The following DPP6 variants were observed in gnomAD, a reference collection of about 807,000 sequenced individuals.
DPP6 encodes A-type potassium channel modulatory protein DPP6.
A neutral mutation model predicts 122.6 loss-of-function variants in DPP6; 69 were observed. That is an observed-to-expected ratio of 0.56 (90% confidence interval 0.46 to 0.69). The LOEUF is 0.69. Among genes scored for constraint, DPP6 ranks in the 30% least tolerant of loss-of-function variants. DPP6 has a pLI of 0.00. For synonymous variants in DPP6, 418 were observed against 433.1 expected (o/e 0.97, Z 0.43); for missense variants, 928 against 1,116.9 (o/e 0.83, Z 2.41).
At chr7:154,096,593 ATAAT>A (rs1805337792) in intron 1 of DPP6, among the ~76,000 whole-genome samples, 1 of 152,196 alleles carries the variant, frequency 6.6e-6, no homozygotes, top group Non-Finnish European at 1.5e-5. Flanking sequence ...AAAATATTTC[ATAAT>A]TAAAGTCATA....
intron 1 of DPP6, among the ~76,000 whole-genome samples, chr7:154,063,729 C>T (rs1315815376): frequency 2.7e-5 from 4 of 149,486 alleles, no homozygotes; most frequent in African/African-American, 5.0e-5. Flanking sequence ...AGCCCCTCTT[C>T]CCCCCCGGCT....
chr7:154,441,444 C>T lies in DPP6; in HGVS notation c.244-4770C>T, dbSNP rs1221981172. Among the ~76,000 whole-genome samples the T allele has an allele frequency of 2.0e-5, 3 of 152,146 alleles. No homozygotes were observed. In the East Asian group the frequency reaches 5.8e-4, roughly 29 times the overall value. The stretch of plus-strand genomic sequence containing the variant: ...ACATTTACATTTAATCCTGATAACA[C>T]CTATGCAATCAGTTCCTTTTGTGTC... On this transcript the variant is annotated intron_variant, in intron 1 of 25. Transcript: ENST00000377770.
chr7:153,811,848 C>A, the DPP6 span, among the ~76,000 whole-genome samples: 93 of 152,228 alleles, frequency 6.1e-4, no homozygotes, highest in Middle Eastern at 3.4e-3. Context: ...TTCTCAAATT[C>A]CACAGATGAT....
chr7:154,748,854 G>A (rs182111091), intron 8 of DPP6, among the ~76,000 whole-genome samples: 3 of 152,344 alleles, frequency 2.0e-5, no homozygotes, highest in African/African-American at 7.2e-5. Context: ...TTCTAGGGAG[G>A]GTGGAGGCCC....
chr7:153,869,950 C>A, the DPP6 span, among the ~76,000 whole-genome samples: 7 of 152,280 alleles, frequency 4.6e-5, no homozygotes, highest in African/African-American at 1.4e-4. Context: ...GTTGAAAATT[C>A]TTTTCTTTAA....
chr7:154,883,386 GC>G (rs1805615011), intron 21 of DPP6, among the ~76,000 whole-genome samples: 1 of 67,466 alleles, frequency 1.5e-5, no homozygotes, highest in African/African-American at 6.3e-5. Context: ...ACATACACCT[GC>G]TCACACACAC....
At chr7:154,295,214 A>T (rs558902937) in intron 1 of DPP6, among the ~76,000 whole-genome samples, 3 of 152,214 alleles carry the variant, frequency 2.0e-5, no homozygotes, top group African/African-American at 7.2e-5. Context: ...GTCTCCTCTC[A>T]TGATTGCCTG....
chr7:154,200,500 G>A (rs548820959), intron 1 of DPP6, among the ~76,000 whole-genome samples: 144 of 152,154 alleles, frequency 9.5e-4, no homozygotes, highest in Middle Eastern at 3.4e-3. Flanking sequence ...ACACTGAGCC[G>A]CTGGGGAAAA....
At position 154,833,396 on chromosome 7, in the gene DPP6, C is replaced by A. The variant is rs1800786850; in HGVS notation, c.1667-20384C>A. Among the ~76,000 whole-genome samples, 1 of 152,210 alleles carries A rather than the reference C, an allele frequency of 6.6e-6. No homozygotes were observed. On this transcript the variant is annotated intron_variant, in intron 16 of 25. Coordinates refer to ENST00000377770, the MANE Select transcript of DPP6 (RefSeq NM_130797.4). This position sits in a 1 kb window ranked among gnomAD's most constrained non-coding sequence, Gnocchi z 4.3. ...TGGGGTGTGGGGAGGAAAAGGCAGA[C>A]AACCCCTCATCGAGAAGGAGCAAGA...
chr7:153,987,087 A>C (rs2129040392), intron 1 of DPP6, among the ~76,000 whole-genome samples: 1 of 152,322 alleles, frequency 6.6e-6, no homozygotes, highest in East Asian at 1.9e-4. Context: ...AAATTTGTCG[A>C]GATGTTATTT....
At chr7:154,826,524 C>T (rs1043931711) in intron 16 of DPP6, among the ~76,000 whole-genome samples, 2 of 152,026 alleles carry the variant, frequency 1.3e-5, no homozygotes, top group Non-Finnish European at 2.9e-5. Context: ...CCACCAACAC[C>T]CAAAGGCTTC....
the DPP6 span, among the ~76,000 whole-genome samples, chr7:153,815,527 C>A: frequency 6.6e-6 from 1 of 151,572 alleles, no homozygotes; most frequent in Non-Finnish European, 1.5e-5. Context: ...CGTCCCCCCA[C>A]CCCACAGCAG....
At chr7:154,313,685 G>GTGTGTGTGTGTGTGTGTA in intron 1 of DPP6, among the ~76,000 whole-genome samples, 2 of 20,476 alleles carry the variant, frequency 9.8e-5, no homozygotes, top group African/African-American at 2.5e-4. Context: ...TTAAGATATG[G>GTGTGTGTGTGTGTGTGTA]TATATATATA....
intron 3 of DPP6, among the ~76,000 whole-genome samples, chr7:154,508,101 T>C (rs981159783): frequency 1.3e-5 from 2 of 152,174 alleles, no homozygotes; most frequent in Non-Finnish European, 2.9e-5. Context: ...AGCGTCTATT[T>C]CCCTCTGTTC....
intron 1 of DPP6, among the ~76,000 whole-genome samples, chr7:154,206,653 C>G (rs1799465242): frequency 6.6e-6 from 1 of 152,178 alleles, no homozygotes; most frequent in African/African-American, 2.4e-5. Context: ...TCAATGCATT[C>G]TCTTTTCTCA....
chr7:153,817,624 T>C, the DPP6 span, among the ~76,000 whole-genome samples: 2 of 151,676 alleles, frequency 1.3e-5, no homozygotes, highest in South Asian at 4.2e-4. Context: ...TGTAGGAACA[T>C]GGATGAAGCT....
intron 1 of DPP6, among the ~76,000 whole-genome samples, chr7:153,893,191 A>G (rs1011498381): frequency 1.3e-5 from 2 of 152,176 alleles, no homozygotes; most frequent in African/African-American, 2.4e-5. Context: ...TTTAGTTCAT[A>G]TATCCACTGG....
intron 1 of DPP6, among the ~76,000 whole-genome samples, chr7:154,109,590 C>T (rs895905555): frequency 2.6e-5 from 4 of 152,194 alleles, no homozygotes; most frequent in Non-Finnish European, 5.9e-5. Context: ...CCGCGCCTGG[C>T]CGCTGTTAAT....
At chr7:154,623,565 G>A (rs1001747323) in intron 5 of DPP6, among the ~76,000 whole-genome samples, 2 of 148,978 alleles carry the variant, frequency 1.3e-5, no homozygotes, top group East Asian at 2.0e-4. Flanking sequence ...CACGCAACAC[G>A]CACACACACA....
Sources: allele counts gnomAD v4.1 joint callset (sites outside exome capture counted in the v4.1 genomes callset), GRCh38; gene constraint gnomAD v4.1.1; non-coding constraint Gnocchi (gnomAD v3.1); transcripts MANE v1.5; gene names NCBI Gene and HGNC (gene_info 2026-07-23, HGNC 2026-07-21).